Variants in TSPAN9 observed in about 807,000 individuals in gnomAD.
TSPAN9 encodes tetraspanin 9, also known as tetraspanin-9.
Under a neutral mutation model 31.0 loss-of-function variants are expected in TSPAN9, and 16 were observed. The observed-to-expected ratio is 0.52, with a 90% CI of 0.35 to 0.78. The LOEUF (loss-of-function observed/expected upper bound fraction) is 0.78. Among genes scored for constraint, TSPAN9 ranks in the 30% least tolerant of loss-of-function variants. TSPAN9 has a pLI of 0.01. For synonymous variants in TSPAN9, 145 were observed against 121.6 expected, an observed-to-expected ratio of 1.19 and a Z score of -1.27; for missense variants, 272 against 312.5, an observed-to-expected ratio of 0.87 and a Z score of 0.98.
intron 3 of TSPAN9, among the ~76,000 whole-genome samples, chr12:3,274,656 C>G (rs373315476): frequency 6.6e-6 from 1 of 152,242 alleles, no homozygotes; most frequent in Admixed American, 6.5e-5. Context: ...CTTGTCCCCC[C>G]GCTTAGCTTC....
Position 3,170,544 on chromosome 12 carries a change from G to A in TSPAN9, c.-17-30633G>A, listed in dbSNP as rs2098351183. 6.6e-6 allele frequency among the ~76,000 whole-genome samples: 1 copy of A among 151,946 alleles called. No individual in the cohort carries two copies. Among genetic ancestry groups the A allele is most frequent in the Admixed American group, 6.6e-5 (1 of 15,254 alleles). ...CATTGTTGGAAACAAAATCTGATCT[G>A]GTGGATGTGCGTGGCGTAGATAAGA... On this transcript the variant is annotated intron_variant, in intron 2 of 8. Coordinates refer to ENST00000011898, the MANE Select transcript of TSPAN9 (RefSeq NM_006675.5). This position sits in a 1 kb window ranked among gnomAD's most constrained non-coding sequence, Gnocchi z 4.4.
chr12:3,247,313 G>T (rs12307798), intron 3 of TSPAN9, among the ~76,000 whole-genome samples: 2 of 32,664 alleles, frequency 6.1e-5, no homozygotes, highest in Non-Finnish European at 1.2e-4. Context: ...CCCCCCCCCC[G>T]CCACCCGCGT....
Position 3,166,957 on chromosome 12 carries a change from C to T in TSPAN9, c.-17-34220C>T, listed in dbSNP as rs569394210. Among the ~76,000 whole-genome samples the T allele has an allele frequency of 3.9e-5, 6 of 152,164 alleles. No homozygotes were observed. The East Asian group carries it at 7.7e-4, about 20-fold the overall frequency. On this transcript the variant is annotated intron_variant, in intron 2 of 8. Transcript: ENST00000011898. The stretch of plus-strand genomic sequence containing the variant: ...GATTACAGGCATGCGCCACCACGCC[C>T]GGCTAATTTTTGTATTTTTAGTAGA...
intron 2 of TSPAN9, among the ~76,000 whole-genome samples, chr12:3,113,504 A>G (rs755212275): frequency 1.3e-5 from 2 of 152,160 alleles, no homozygotes; most frequent in Non-Finnish European, 2.9e-5. Context: ...TGTGTCCTGT[A>G]CTATATTGGG....
At chr12:3,110,576 G>A (rs905887788) in intron 2 of TSPAN9, among the ~76,000 whole-genome samples, 2 of 152,072 alleles carry the variant, frequency 1.3e-5, no homozygotes, top group African/African-American at 4.8e-5. Flanking sequence ...AGGAACAAAA[G>A]TCCATTTCCT....
chr12:3,148,782 G>T (rs534193579), intron 2 of TSPAN9, among the ~76,000 whole-genome samples: 7 of 152,334 alleles, frequency 4.6e-5, no homozygotes, highest in South Asian at 4.1e-4. Flanking sequence ...CTGCCCAGGC[G>T]GGGGAGGGAC....
intron 2 of TSPAN9, among the ~76,000 whole-genome samples, chr12:3,189,082 A>G (rs568439974): frequency 6.6e-6 from 1 of 152,230 alleles, no homozygotes; most frequent in East Asian, 1.9e-4. Flanking sequence ...CTGTCATGCA[A>G]TGCAGAGTAA....
chr12:3,144,988 C>G (rs946634630), intron 2 of TSPAN9, among the ~76,000 whole-genome samples: 2 of 152,234 alleles, frequency 1.3e-5, no homozygotes, highest in African/African-American at 4.8e-5. Flanking sequence ...AATTGGACTT[C>G]AAATCAGTTG....
rs537578076 is a variant in TSPAN9, at chr12:3,152,094, G to C, written c.-17-49083G>C. On this transcript the variant is annotated intron_variant, in intron 2 of 8. Transcript: ENST00000011898. ...TTCCTCTCCAGCTCTCATTCCCTTGGGGAATTCATGGCGGGGAATCTCTCC... is the reference window on the plus strand; with the variant it reads ...TTCCTCTCCAGCTCTCATTCCCTTGCGGAATTCATGGCGGGGAATCTCTCC... Among the ~76,000 whole-genome samples the C allele has an allele frequency of 1.1e-4, 17 of 152,328 alleles. No homozygotes were observed. In the South Asian group the frequency reaches 3.1e-3, roughly 28 times the overall value.
At chr12:3,125,618 A>G (rs1328423292) in intron 2 of TSPAN9, among the ~76,000 whole-genome samples, 1 of 152,114 alleles carries the variant, frequency 6.6e-6, no homozygotes, top group Non-Finnish European at 1.5e-5. Flanking sequence ...TTCTCATGGA[A>G]TTTAATTGAT....
intron 3 of TSPAN9, among the ~76,000 whole-genome samples, chr12:3,275,466 C>G (rs1202894866): frequency 1.3e-5 from 2 of 152,170 alleles, no homozygotes; most frequent in African/African-American, 4.8e-5. Context: ...AAATCTTCAG[C>G]ATGAAGATCA....
chr12:3,211,688 C>G (rs1279520642), intron 3 of TSPAN9: 5 of 1,572,834 alleles, frequency 3.2e-6, no homozygotes, highest in Non-Finnish European at 4.3e-6. Context: ...CCTGAAGGAA[C>G]ATCCTTCTGT....
At chr12:3,087,603 C>T (rs375355625) in intron 2 of TSPAN9, among the ~76,000 whole-genome samples, 4 of 152,022 alleles carry the variant, frequency 2.6e-5, no homozygotes, top group Non-Finnish European at 5.9e-5. Flanking sequence ...GTCGAGAGTT[C>T]GAGATCAGCT....
At chr12:3,234,777 T>A (rs1029463116) in intron 3 of TSPAN9, among the ~76,000 whole-genome samples, 1 of 152,156 alleles carries the variant, frequency 6.6e-6, no homozygotes, top group Admixed American at 6.5e-5. Flanking sequence ...AAGAAAAATA[T>A]CATCTCAGTA....
intron 3 of TSPAN9, among the ~76,000 whole-genome samples, chr12:3,237,433 C>G (rs4766079): frequency 0.38 from 57,863 of 152,126 alleles, 11,361 homozygotes; most frequent in African/African-American, 0.47. Context: ...AGGGCTACCT[C>G]TTGGCCACAG....
In TSPAN9 at chr12:3,172,556, C is replaced by T. The variant is rs1347953718; in HGVS notation, c.-17-28621C>T. 6.6e-6 allele frequency: 1 copy of T among 152,214 alleles called. No homozygotes were observed. The allele number at this position is 152,214 out of a possible 1,614,324, so 9.4% of individuals were successfully genotyped here. A position where few individuals can be genotyped will look rare whatever the true frequency, so the allele number is the denominator to read the frequency against. On this transcript the variant is annotated intron_variant, in intron 2 of 8. Coordinates refer to ENST00000011898, the MANE Select transcript of TSPAN9 (RefSeq NM_006675.5). The surrounding 1 kb of genome is among the most constrained non-coding windows in gnomAD (Gnocchi z 4.8). The stretch of plus-strand genomic sequence containing the variant: ...CGCATAGAATCATAACCGCGGGGGT[C>T]TGGTCTGGGGTGTTTTCACTGACGT...
At chr12:3,268,469 C>T (rs1431513053) in intron 3 of TSPAN9, among the ~76,000 whole-genome samples, 34 of 95,800 alleles carry the variant, frequency 3.5e-4, no homozygotes, top group African/African-American at 9.7e-4. Flanking sequence ...GCCCTCTGTG[C>T]GTTCCTGCAG....
At chr12:3,282,671 T>C (rs1035667303) in intron 8 of TSPAN9, among the ~76,000 whole-genome samples, 1 of 152,186 alleles carries the variant, frequency 6.6e-6, no homozygotes, top group Non-Finnish European at 1.5e-5. Flanking sequence ...CCGGCTGGCC[T>C]GAGTCCTGAA....
At position 3,116,080 on chromosome 12, in the gene TSPAN9, A is replaced by G. The variant is rs575800931; in HGVS notation, c.-18+32361A>G. On this transcript the variant is annotated intron_variant, in intron 2 of 8. Coordinates refer to ENST00000011898, the MANE Select transcript of TSPAN9 (RefSeq NM_006675.5). ...TGATCATTTAGATAAAAGTTTCGCTATTTTCTTTTGTAAAAGCAATGTATG... is the reference window on the plus strand; with the variant it reads ...TGATCATTTAGATAAAAGTTTCGCTGTTTTCTTTTGTAAAAGCAATGTATG... Among the ~76,000 whole-genome samples, 8 of 152,326 alleles carry G rather than the reference A, an allele frequency of 5.3e-5. No individual in the cohort carries two copies. The East Asian group carries it at 1.2e-3, about 22-fold the overall frequency.
Sources: gnomAD v4.1 joint callset for allele counts (sites outside exome capture counted in the v4.1 genomes callset) on GRCh38, gnomAD v4.1.1 for gene constraint, Gnocchi (gnomAD v3.1) non-coding constraint, MANE v1.5 for transcripts, NCBI Gene and HGNC (gene_info 2026-07-23, HGNC 2026-07-21) for gene names.